PCDHGA2: variants seen among roughly 807,000 people sequenced by gnomAD.
PCDHGA2 encodes protocadherin gamma-A2.
In PCDHGA2, 40 loss-of-function variants were observed where a neutral mutation model predicts 59.2. The ratio of observed to expected loss-of-function variants is 0.68; its 90% CI spans 0.52 to 0.88. The LOEUF is 0.88. Ranked by LOEUF, PCDHGA2 falls within the 40% of genes least tolerant of loss-of-function variation. The pLI is 0.00. For synonymous variants in PCDHGA2, 560 were observed against 526.0 expected (o/e 1.06, Z -0.89); for missense variants, 1,226 against 1,204.0 (o/e 1.02, Z -0.27).
At position 141,491,070 on chromosome 5, in the gene PCDHGA2, G is replaced by T. The variant is rs1405880268; in HGVS notation, c.2425-3737G>T. On this transcript the variant is annotated intron_variant, in intron 1 of 3. Transcript: ENST00000394576. The surrounding 1 kb of genome is among the most constrained non-coding windows in gnomAD (Gnocchi z 6.9). ...ATGCGTGGCTCTCCTACTCACTGTTGCCACAGTCCACAGCCCCAGGACTGT... is the reference window on the plus strand; with the variant it reads ...ATGCGTGGCTCTCCTACTCACTGTTTCCACAGTCCACAGCCCCAGGACTGT... 6.2e-7 allele frequency: 1 copy of T among 1,614,162 alleles called. No homozygotes were observed. Among genetic ancestry groups the T allele is most frequent in the Non-Finnish European group, 8.5e-7 (1 of 1,180,038 alleles).
At chr5:141,382,962 G>C in intron 1 of PCDHGA2, 1 of 1,607,858 alleles carries the variant, frequency 6.2e-7, no homozygotes, top group Admixed American at 1.7e-5. Flanking sequence ...TCCTCCTGGG[G>C]ACCCCCTGGG....
At chr5:141,419,547 T>C (rs2096397603) in intron 1 of PCDHGA2, 6 of 1,612,070 alleles carry the variant, frequency 3.7e-6, no homozygotes, top group Non-Finnish European at 5.1e-6. Context: ...CCGCGGGTGC[T>C]GTACCCTGCG....
At chr5:141,341,545 C>G in intron 1 of PCDHGA2, 150 bp downstream of exon 1, 1 of 1,442,654 alleles carries the variant, frequency 6.9e-7, no homozygotes, top group Non-Finnish European at 9.2e-7. Context: ...CTTGGTAGGT[C>G]TTAGTGTTCA....
Position 141,447,955 on chromosome 5 carries a change from G to A in PCDHGA2, c.2425-46852G>A, listed in dbSNP as rs536740280. On this transcript the variant is annotated intron_variant, in intron 1 of 3. Coordinates refer to ENST00000394576, the MANE Select transcript of PCDHGA2 (RefSeq NM_018915.4). ...ACAAAAATTAGCTGGGCATGGTGGC[G>A]GACACCTATAATCCCAGCTACTCGG... Among the ~76,000 whole-genome samples the A allele has an allele frequency of 1.6e-4, 24 of 151,898 alleles. 1 individual carries two copies. The highest frequency in any genetic ancestry group is 8.3e-4 in the South Asian group (4 of 4,816).
intron 1 of PCDHGA2, chr5:141,357,448 C>T: frequency 1.9e-6 from 3 of 1,614,238 alleles, no homozygotes; most frequent in Non-Finnish European, 2.5e-6. Flanking sequence ...TCGGGCTTTC[C>T]TGCAGACCTA....
chr5:141,462,883 A>T (rs557432183), intron 1 of PCDHGA2, among the ~76,000 whole-genome samples: 9 of 152,230 alleles, frequency 5.9e-5, no homozygotes, highest in African/African-American at 2.2e-4. Context: ...GAACTATTGC[A>T]GTTTGTTTTG....
At chr5:141,474,965 A>G (rs1268347441) in intron 1 of PCDHGA2, among the ~76,000 whole-genome samples, 1 of 152,236 alleles carries the variant, frequency 6.6e-6, no homozygotes, top group Non-Finnish European at 1.5e-5. Context: ...TATCCTAATC[A>G]TTATAATTTT....
intron 1 of PCDHGA2, chr5:141,418,384 C>A (rs774636792): frequency 1.5e-5 from 25 of 1,613,864 alleles, no homozygotes; most frequent in East Asian, 4.5e-5. Context: ...TAAGTCCTAA[C>A]GAGTATTTCT....
chr5:141,399,988 G>C, intron 1 of PCDHGA2: 1 of 1,612,442 alleles, frequency 6.2e-7, no homozygotes, highest in Non-Finnish European at 8.5e-7. Context: ...GCGCACAGGA[G>C]AGGTGCGCAC....
chr5:141,425,177 GGAATTCCAAACTGA>G (rs2096860295), intron 1 of PCDHGA2, among the ~76,000 whole-genome samples: 1 of 152,036 alleles, frequency 6.6e-6, no homozygotes, highest in South Asian at 2.1e-4. Flanking sequence ...TTATACTTGT[GGAATTCCAAACTGA>G]GAAAAATGAT....
In PCDHGA2 at chr5:141,432,752, G is replaced by C. The variant is rs1407361813; in HGVS notation, c.2425-62055G>C. On this transcript the variant is annotated intron_variant, in intron 1 of 3. Coordinates refer to ENST00000394576, the MANE Select transcript of PCDHGA2 (RefSeq NM_018915.4). The surrounding 1 kb of genome is among the most constrained non-coding windows in gnomAD (Gnocchi z 6.0). Reference sequence around the variant, plus strand: ...CACTGTCACGCTCACCGTGGCCGTGGCCGACAGCATCCCCCAAGTCCTGGC... The same window carrying C: ...CACTGTCACGCTCACCGTGGCCGTGCCCGACAGCATCCCCCAAGTCCTGGC... 9.3e-6 allele frequency: 15 copies of C among 1,614,024 alleles called. No individual in the cohort carries two copies. The highest frequency in any genetic ancestry group is 1.3e-5 in the Non-Finnish European group (15 of 1,180,008).
At chr5:141,465,467 C>T (rs2099103834) in intron 1 of PCDHGA2, among the ~76,000 whole-genome samples, 1 of 152,178 alleles carries the variant, frequency 6.6e-6, no homozygotes, top group Non-Finnish European at 1.5e-5. Flanking sequence ...CCAAATTGCC[C>T]TTGCTTCATG....
intron 1 of PCDHGA2, chr5:141,366,607 C>T (rs200161061): frequency 6.8e-5 from 110 of 1,614,150 alleles, no homozygotes; most frequent in Non-Finnish European, 9.1e-5. Flanking sequence ...AGGTCTCCCT[C>T]ACCGCGGACT....
chr5:141,420,004 G>C (rs768411058), intron 1 of PCDHGA2: 4 of 1,614,084 alleles, frequency 2.5e-6, no homozygotes, highest in Non-Finnish European at 3.4e-6. Flanking sequence ...CTCTACGCCT[G>C]CGACAGTCTT....
chr5:141,375,714 G>C, intron 1 of PCDHGA2: 1 of 1,614,262 alleles, frequency 6.2e-7, no homozygotes, highest in Non-Finnish European at 8.5e-7. Context: ...CCTCTTAGCA[G>C]CAACGTGTCA....
At chr5:141,428,021 C>A (rs1185050109) in intron 1 of PCDHGA2, 2 of 1,605,604 alleles carry the variant, frequency 1.2e-6, no homozygotes, top group Non-Finnish European at 1.7e-6. Flanking sequence ...TGCCACGCGC[C>A]GCAGAGTCCG....
Position 141,489,358 on chromosome 5 carries a change from G to C in PCDHGA2, c.2425-5449G>C. 1 of 1,613,144 alleles carries C rather than the reference G, an allele frequency of 6.2e-7. No homozygotes were observed. The highest frequency in any genetic ancestry group is 1.7e-4 in the Middle Eastern group (1 of 6,052). On this transcript the variant is annotated intron_variant, in intron 1 of 3. Coordinates refer to ENST00000394576, the MANE Select transcript of PCDHGA2 (RefSeq NM_018915.4). The surrounding 1 kb of genome is among the most constrained non-coding windows in gnomAD (Gnocchi z 4.5). ...TCGTTACTCAGTGGTGGAGGAGTCT[G>C]AGCCGGGGACGCTGGTGGGGAATGT...
chr5:141,389,910 C>T (rs1417147488), intron 1 of PCDHGA2: 21 of 1,614,080 alleles, frequency 1.3e-5, no homozygotes, highest in Non-Finnish European at 1.7e-5. Flanking sequence ...TATCACTGAC[C>T]GCCCCGACCC....
intron 1 of PCDHGA2, chr5:141,471,433 T>C (rs2099257619): frequency 6.6e-6 from 1 of 152,162 alleles, no homozygotes; most frequent in African/African-American, 2.4e-5. Flanking sequence ...GGAAAGTGTA[T>C]AATCTCATGT....
Sources: gnomAD v4.1 joint callset for allele counts (sites outside exome capture counted in the v4.1 genomes callset) on GRCh38, gnomAD v4.1.1 for gene constraint, Gnocchi (gnomAD v3.1) non-coding constraint, MANE v1.5 for transcripts, NCBI Gene and HGNC (gene_info 2026-07-23, HGNC 2026-07-21) for gene names.